Variants in RBFOX1 observed in about 807,000 individuals in gnomAD.
RBFOX1 encodes the protein RNA binding protein fox-1 homolog 1.
A neutral mutation model predicts 57.7 loss-of-function variants in RBFOX1; 8 were observed. The observed-to-expected ratio is 0.14, with a 90% CI of 0.08 to 0.25. The LOEUF (loss-of-function observed/expected upper bound fraction) is 0.25. Among genes scored for constraint, RBFOX1 ranks in the 10% least tolerant of loss-of-function variants. The pLI, the probability that RBFOX1 is intolerant of heterozygous loss-of-function variation, is 1.00. For synonymous variants in RBFOX1, 326 were observed against 222.4 expected (o/e 1.47, Z -4.15); for missense variants, 611 against 548.5 (o/e 1.11, Z -1.14).
At chr16:5,618,841 G>C (rs926375553) in intron 3 of RBFOX1, among the ~76,000 whole-genome samples, 1 of 152,190 alleles carries the variant, frequency 6.6e-6, no homozygotes, top group Non-Finnish European at 1.5e-5. Flanking sequence ...GGATTTTGCT[G>C]TGTCTGGATA....
chr16:7,466,139 C>G (rs2060476332), intron 4 of RBFOX1, among the ~76,000 whole-genome samples: 1 of 152,158 alleles, frequency 6.6e-6, no homozygotes, highest in Non-Finnish European at 1.5e-5. Context: ...ACAGTGAACA[C>G]CATCTGGGTC....
intron 2 of RBFOX1, among the ~76,000 whole-genome samples, chr16:6,372,155 AG>A (rs2090525918): frequency 6.6e-6 from 1 of 151,250 alleles, no homozygotes; most frequent in Non-Finnish European, 1.5e-5. Context: ...GATCCTGGGT[AG>A]GAGGGTTGTT....
intron 11 of RBFOX1, among the ~76,000 whole-genome samples, chr16:7,640,515 C>G (rs926823810): frequency 2.0e-5 from 3 of 152,176 alleles, no homozygotes; most frequent in African/African-American, 4.8e-5. Context: ...TAAGGAGTCA[C>G]TAGAGGATGC....
chr16:5,428,711 A>AGAT (rs1381022875), intron 1 of RBFOX1, among the ~76,000 whole-genome samples: 3 of 152,176 alleles, frequency 2.0e-5, no homozygotes, highest in Non-Finnish European at 4.4e-5. Context: ...AAGTGTAGAC[A>AGAT]GATGGTACAT....
chr16:5,431,906 A>G (rs1416311618), intron 1 of RBFOX1, among the ~76,000 whole-genome samples: 1 of 152,142 alleles, frequency 6.6e-6, no homozygotes, highest in Non-Finnish European at 1.5e-5. Flanking sequence ...GCTGAGGACC[A>G]CAGTTCCAGT....
chr16:6,922,067 A>G (rs1487416030), intron 3 of RBFOX1, among the ~76,000 whole-genome samples: 3 of 152,200 alleles, frequency 2.0e-5, no homozygotes, highest in Admixed American at 6.5e-5. Context: ...ATTACTATTC[A>G]GGTTAATCAC....
chr16:5,599,523 G>A (rs1293566529), exon 3 of RBFOX1: 1 of 398,662 alleles, frequency 2.5e-6, no homozygotes, highest in Non-Finnish European at 4.4e-6. Flanking sequence ...AATCACTCAT[G>A]CACCGCCTCT....
At chr16:6,245,638 G>A (rs1466784009) in intron 1 of RBFOX1, among the ~76,000 whole-genome samples, 1 of 152,182 alleles carries the variant, frequency 6.6e-6, no homozygotes, top group Non-Finnish European at 1.5e-5. Context: ...AGTGGTAGGT[G>A]CTTTGTATGC....
At chr16:5,451,254 C>G (rs541151641) in intron 1 of RBFOX1, among the ~76,000 whole-genome samples, 10 of 152,234 alleles carry the variant, frequency 6.6e-5, no homozygotes, top group Non-Finnish European at 1.2e-4. Flanking sequence ...CTCTGAAGAA[C>G]AAAGATATCC....
chr16:6,770,367 G>GGCAGGGGT (rs1184623218), intron 3 of RBFOX1, among the ~76,000 whole-genome samples: 2 of 152,152 alleles, frequency 1.3e-5, no homozygotes, highest in African/African-American at 4.8e-5. Context: ...ACTGCAGCCT[G>GGCAGGGGT]TGGGCCACAT....
chr16:6,251,228 C>T (rs62015144), intron 1 of RBFOX1, among the ~76,000 whole-genome samples: 2 of 152,062 alleles, frequency 1.3e-5, no homozygotes, highest in Non-Finnish European at 2.9e-5. Context: ...CAAGTATTAA[C>T]TAACTTAACT....
chr16:6,387,983 T>C (rs1488597763), intron 2 of RBFOX1, among the ~76,000 whole-genome samples: 2 of 141,970 alleles, frequency 1.4e-5, no homozygotes, highest in African/African-American at 5.2e-5. Context: ...CATTTTTTTT[T>C]TTTTTTTTTT....
intron 4 of RBFOX1, among the ~76,000 whole-genome samples, chr16:7,222,124 C>T (rs1412180757): frequency 6.6e-6 from 1 of 152,124 alleles, no homozygotes; most frequent in Non-Finnish European, 1.5e-5. Context: ...GTGAGGATTT[C>T]AGCTAAAAAA....
rs531815150 is a variant in RBFOX1, at chr16:6,223,153, A to G, written c.-126-93842A>G. 9.3e-5 allele frequency among the ~76,000 whole-genome samples: 14 copies of G among 150,992 alleles called. No homozygotes were observed. In the East Asian group the frequency reaches 2.3e-3, roughly 25 times the overall value. On this transcript the variant is annotated intron_variant, in intron 1 of 15. Transcript: ENST00000550418. ...CTTTGCTATTGTGGATAGTGCCACA[A>G]TAAACATACGTGTGCATGTGTCTTT...
At chr16:7,100,231 T>G (rs542564786) in intron 4 of RBFOX1, among the ~76,000 whole-genome samples, 1 of 152,164 alleles carries the variant, frequency 6.6e-6, no homozygotes, top group Non-Finnish European at 1.5e-5. Flanking sequence ...AGTGCTGATA[T>G]CAGTGTTGTG....
At chr16:7,325,958 C>T (rs1226964652) in intron 4 of RBFOX1, among the ~76,000 whole-genome samples, 5 of 152,134 alleles carry the variant, frequency 3.3e-5, no homozygotes, top group African/African-American at 9.7e-5. Context: ...TTTCTCAGTT[C>T]TGGTTCAAGC....
intron 2 of RBFOX1, among the ~76,000 whole-genome samples, chr16:5,547,288 C>T (rs982609692): frequency 2.0e-5 from 3 of 152,184 alleles, no homozygotes; most frequent in African/African-American, 4.8e-5. Flanking sequence ...TGTCCTCAAA[C>T]AACACACATG....
At chr16:6,996,739 T>G (rs1052788849) in intron 3 of RBFOX1, among the ~76,000 whole-genome samples, 20 of 152,292 alleles carry the variant, frequency 1.3e-4, no homozygotes, top group Admixed American at 8.5e-4. Context: ...TGCTTTGCAA[T>G]TTTTGAGCAC....
At chr16:5,928,743 G>C (rs1028844162) in intron 4 of RBFOX1, among the ~76,000 whole-genome samples, 2 of 151,030 alleles carry the variant, frequency 1.3e-5, no homozygotes, top group Admixed American at 1.3e-4. Flanking sequence ...GTTCTTGGCT[G>C]CCTCAATCCT....
Sources: allele counts gnomAD v4.1 joint callset (sites outside exome capture counted in the v4.1 genomes callset), GRCh38; gene constraint gnomAD v4.1.1; transcripts MANE v1.5; gene names NCBI Gene and HGNC (gene_info 2026-07-23, HGNC 2026-07-21).